The following CGNL1 variants were observed in gnomAD, a reference collection of about 807,000 sequenced individuals.
The protein encoded by CGNL1 is cingulin like 1.
In CGNL1, 132 loss-of-function variants were observed where a neutral mutation model predicts 141.2. That is an observed-to-expected ratio of 0.93 (90% CI 0.81 to 1.08). The LOEUF (loss-of-function observed/expected upper bound fraction) is 1.08, where lower values mean the gene tolerates loss of function less well. Ranked by LOEUF, CGNL1 falls within the 50% of genes least tolerant of loss-of-function variation. CGNL1 has a pLI of 0.00. For missense variants in CGNL1, 1,870 were observed against 1,588.6 expected (o/e 1.18, Z -3.01); for synonymous variants, 690 against 622.1 (o/e 1.11, Z -1.63).
chr15:57,391,532 G>A (rs1274197544), intron 1 of CGNL1, among the ~76,000 whole-genome samples: 3 of 152,172 alleles, frequency 2.0e-5, no homozygotes, highest in Non-Finnish European at 4.4e-5. Flanking sequence ...TAAATTCACT[G>A]GGCTTCTATC....
At chr15:57,509,072 T>G (rs1298460146) in intron 8 of CGNL1, among the ~76,000 whole-genome samples, 3 of 152,124 alleles carry the variant, frequency 2.0e-5, no homozygotes, top group Non-Finnish European at 4.4e-5. Context: ...TCCTAACACT[T>G]CAGAGTGAGG....
intron 8 of CGNL1, among the ~76,000 whole-genome samples, chr15:57,498,420 G>T (rs886904807): frequency 1.3e-5 from 2 of 151,942 alleles, no homozygotes; most frequent in African/African-American, 4.8e-5. Context: ...GCCCAGGCTG[G>T]TCTCAAACCC....
chr15:57,421,361 G>C (rs577298843), intron 1 of CGNL1, among the ~76,000 whole-genome samples: 4 of 152,198 alleles, frequency 2.6e-5, no homozygotes, highest in African/African-American at 9.6e-5. Context: ...ACATCCCTGT[G>C]CTGTGGAGAG....
At chr15:57,494,853 A>C (rs2063914910) in intron 8 of CGNL1, among the ~76,000 whole-genome samples, 1 of 152,238 alleles carries the variant, frequency 6.6e-6, no homozygotes, top group Non-Finnish European at 1.5e-5. Context: ...CGTGTTTGCC[A>C]TCCCTCTAAA....
At chr15:57,520,091 A>G (rs531127800) in intron 10 of CGNL1, among the ~76,000 whole-genome samples, 1 of 152,252 alleles carries the variant, frequency 6.6e-6, no homozygotes, top group South Asian at 2.1e-4. Context: ...TGGTGTGGGG[A>G]TGGTGAGAGT....
intron 8 of CGNL1, among the ~76,000 whole-genome samples, chr15:57,500,958 G>A (rs1364776112): frequency 1.3e-5 from 2 of 152,232 alleles, no homozygotes; most frequent in East Asian, 1.9e-4. Flanking sequence ...TTTAGCCCAT[G>A]ACACTGCTAA....
At chr15:57,434,158 G>C (rs762084791) in intron 1 of CGNL1, among the ~76,000 whole-genome samples, 8 of 152,158 alleles carry the variant, frequency 5.3e-5, no homozygotes, top group Admixed American at 1.3e-4. Flanking sequence ...TTAGAAGAAA[G>C]TTACAGTTTT....
At chr15:57,505,316 G>A (rs553581076) in intron 8 of CGNL1, among the ~76,000 whole-genome samples, 5 of 152,272 alleles carry the variant, frequency 3.3e-5, no homozygotes, top group Non-Finnish European at 7.4e-5. Flanking sequence ...GAATGGATCC[G>A]TAACGCCACC....
At chr15:57,403,990 T>G (rs1266885176) in intron 1 of CGNL1, among the ~76,000 whole-genome samples, 1 of 152,250 alleles carries the variant, frequency 6.6e-6, no homozygotes, top group Non-Finnish European at 1.5e-5. Flanking sequence ...AAGAGTTTGC[T>G]GCCCAGGGAG....
intron 1 of CGNL1, among the ~76,000 whole-genome samples, chr15:57,406,229 C>A (rs550038570): frequency 6.6e-6 from 1 of 152,190 alleles, no homozygotes; most frequent in Non-Finnish European, 1.5e-5. Context: ...CCTGAAGGAG[C>A]CTCCAGATCA....
intron 1 of CGNL1, among the ~76,000 whole-genome samples, chr15:57,395,603 T>C (rs2062593354): frequency 6.6e-6 from 1 of 152,268 alleles, no homozygotes; most frequent in African/African-American, 2.4e-5. Flanking sequence ...GAGCAGTGCC[T>C]GGCCCCAAGT....
chr15:57,437,883 C>G, intron 1 of CGNL1, 102 bp from the exon 2 acceptor site: 1 of 1,125,244 alleles, frequency 8.9e-7, no homozygotes, highest in Non-Finnish European at 1.3e-6. Flanking sequence ...GTCTTGTTTT[C>G]TTTGAACTTT....
chr15:57,450,148 A>G (rs1360674545), intron 4 of CGNL1, among the ~76,000 whole-genome samples: 2 of 152,228 alleles, frequency 1.3e-5, no homozygotes, highest in African/African-American at 4.8e-5. Context: ...TTTCTAAATT[A>G]TCTGTATCAT....
chr15:57,476,518 G>A (rs1183731003), intron 8 of CGNL1, among the ~76,000 whole-genome samples: 3 of 152,154 alleles, frequency 2.0e-5, no homozygotes, highest in African/African-American at 7.2e-5. Flanking sequence ...GATGTAAATG[G>A]ATTTAGGCAA....
intron 1 of CGNL1, among the ~76,000 whole-genome samples, chr15:57,410,579 G>A (rs1251082080): frequency 2.0e-5 from 3 of 152,156 alleles, no homozygotes; most frequent in African/African-American, 7.2e-5. Context: ...TGTCTGTGTG[G>A]TCCCAACATG....
At chr15:57,543,211 A>G (rs1175048922) in intron 14 of CGNL1, among the ~76,000 whole-genome samples, 3 of 120,144 alleles carry the variant, frequency 2.5e-5, no homozygotes, top group Non-Finnish European at 5.1e-5. Flanking sequence ...CATCACCCCA[A>G]TCCTCCATCT....
intron 1 of CGNL1, among the ~76,000 whole-genome samples, chr15:57,382,775 T>C (rs553035452): frequency 1.4e-4 from 21 of 152,296 alleles, no homozygotes; most frequent in African/African-American, 5.1e-4. Flanking sequence ...AGGAATCCTG[T>C]GATGGGAGTG....
intron 8 of CGNL1, among the ~76,000 whole-genome samples, chr15:57,488,349 T>C (rs1026792564): frequency 3.9e-5 from 6 of 152,216 alleles, no homozygotes; most frequent in African/African-American, 1.4e-4. Context: ...CTTCAGATTG[T>C]CTTTTCACTT....
At position 57,486,791 on chromosome 15, in the gene CGNL1, A is replaced by G. The variant is rs375276521; in HGVS notation, c.2403+24899A>G. On this transcript the variant is annotated intron_variant, in intron 8 of 18. Coordinates refer to ENST00000281282, the MANE Select transcript of CGNL1 (RefSeq NM_032866.5). The stretch of plus-strand genomic sequence containing the variant: ...CACCCAAAGAGGGGTATCTGGCACA[A>G]GAGAAAGGCTAGGCTGAAGCTACTG... Among the ~76,000 whole-genome samples the G allele has an allele frequency of 3.2e-4, 49 of 152,314 alleles. 1 individual carries two copies. In the South Asian group the frequency reaches 9.8e-3, roughly 30 times the overall value.
Sources: allele counts gnomAD v4.1 joint callset (sites outside exome capture counted in the v4.1 genomes callset), GRCh38; gene constraint gnomAD v4.1.1; transcripts MANE v1.5; gene names NCBI Gene and HGNC (gene_info 2026-07-23, HGNC 2026-07-21).